CDYL: variants seen among roughly 807,000 people sequenced by gnomAD.
CDYL encodes chromodomain Y like, also known as chromodomain Y-like protein.
Under a neutral mutation model 47.3 loss-of-function variants are expected in CDYL, and 8 were observed. That is an observed-to-expected ratio of 0.17 (90% confidence interval 0.10 to 0.31). CDYL has a LOEUF of 0.31. Ranked by LOEUF, CDYL falls within the 10% of genes least tolerant of loss-of-function variation. The pLI, the probability that CDYL is intolerant of heterozygous loss-of-function variation, is 1.00. For missense variants in CDYL, 471 were observed against 701.4 expected (o/e 0.67, Z 3.71); for synonymous variants, 266 against 265.0 (o/e 1.00, Z -0.04).
intron 1 of CDYL, among the ~76,000 whole-genome samples, chr6:4,868,116 T>C (rs1761373166): frequency 6.6e-6 from 1 of 151,950 alleles, no homozygotes; most frequent in South Asian, 2.1e-4. Flanking sequence ...TGATTTATAC[T>C]TGGATCTTTA....
At chr6:4,734,766 A>G (rs1757672066) in exon 3 of CDYL, 1 of 1,614,018 alleles carries the variant, frequency 6.2e-7, no homozygotes, top group African/African-American at 1.3e-5. Flanking sequence ...TGCTAGTGTC[A>G]GCACCAGATG....
chr6:4,708,737 G>A (rs547342546), intron 1 of CDYL, among the ~76,000 whole-genome samples: 23 of 152,250 alleles, frequency 1.5e-4, no homozygotes, highest in African/African-American at 5.5e-4. Flanking sequence ...TCAAGAAATA[G>A]GCTGGGCACA....
intron 1 of CDYL, among the ~76,000 whole-genome samples, chr6:4,871,355 G>T (rs1207059336): frequency 6.6e-6 from 1 of 152,110 alleles, no homozygotes; most frequent in African/African-American, 2.4e-5. Context: ...CAAATTTTAG[G>T]CAGGTTTCAA....
At chr6:4,836,355 C>T in intron 1 of CDYL, 1 of 679,594 alleles carries the variant, frequency 1.5e-6, no homozygotes, top group Non-Finnish European at 1.8e-6. Flanking sequence ...AGAATTCCAA[C>T]CCCCTAGAGG....
chr6:4,926,084 A>G (rs1197300838), intron 2 of CDYL, among the ~76,000 whole-genome samples: 1 of 152,204 alleles, frequency 6.6e-6, no homozygotes, highest in African/African-American at 2.4e-5. Flanking sequence ...TTTAACTCGG[A>G]GACCCCTATG....
At chr6:4,870,284 A>G (rs1434225994) in intron 1 of CDYL, among the ~76,000 whole-genome samples, 1 of 152,178 alleles carries the variant, frequency 6.6e-6, no homozygotes, top group South Asian at 2.1e-4. Context: ...TAAATATAGA[A>G]TTATTGATTG....
chr6:4,773,689 A>T (rs1041231961), upstream of CDYL, among the ~76,000 whole-genome samples: 5 of 152,346 alleles, frequency 3.3e-5, no homozygotes, highest in Admixed American at 6.5e-5. The surrounding 1 kb of genome is among the most constrained non-coding windows in gnomAD (Gnocchi z 4.6). Context: ...CTCAGTCGCT[A>T]GGTGGATACC....
chr6:4,888,624 T>C (rs1258397327), intron 1 of CDYL, among the ~76,000 whole-genome samples: 1 of 152,172 alleles, frequency 6.6e-6, no homozygotes. Context: ...TTTCAGTTTA[T>C]TAAGTTCTAA....
In CDYL at chr6:4,954,196, C is replaced by T. The variant is rs570143632; in HGVS notation, c.*140C>T. 1.1e-5 allele frequency: 8 copies of T among 758,368 alleles called. No individual in the cohort carries two copies. In the Middle Eastern group the frequency reaches 7.8e-4, roughly 74 times the overall value. The allele number at this position is 758,368 out of a possible 1,614,324, so 47.0% of individuals were successfully genotyped here. ...TTGGAAGCAGGACTGGGAACATCCA[C>T]GCTATTTATTATCGAGGAGTTTTAA... On this transcript the variant is annotated 3_prime_UTR_variant, in exon 7 of 7. Coordinates refer to ENST00000397588, the MANE Select transcript of CDYL (RefSeq NM_004824.4).
intron 4 of CDYL, among the ~76,000 whole-genome samples, chr6:4,940,772 C>A (rs1460291282): frequency 6.6e-6 from 1 of 152,212 alleles, no homozygotes; most frequent in Non-Finnish European, 1.5e-5. Context: ...GACCGGGGGC[C>A]CTGCCCAAGC....
chr6:4,894,904 T>TAC (rs1762162461), intron 2 of CDYL, among the ~76,000 whole-genome samples: 1 of 145,062 alleles, frequency 6.9e-6, no homozygotes. Flanking sequence ...TATACACACG[T>TAC]ACGTGTGTAT....
At chr6:4,794,868 C>T (rs1759027103) in intron 1 of CDYL, among the ~76,000 whole-genome samples, 1 of 152,078 alleles carries the variant, frequency 6.6e-6, no homozygotes, top group Non-Finnish European at 1.5e-5. Context: ...GATCTTATAT[C>T]TAGCAGACTT....
chr6:4,865,073 T>C (rs1239062185), intron 1 of CDYL, among the ~76,000 whole-genome samples: 3 of 152,182 alleles, frequency 2.0e-5, no homozygotes, highest in Non-Finnish European at 2.9e-5. Flanking sequence ...CTAGTTTCAG[T>C]AAACAACTTT....
chr6:4,860,409 G>A (rs1391528151), intron 1 of CDYL, among the ~76,000 whole-genome samples: 1 of 151,304 alleles, frequency 6.6e-6, no homozygotes, highest in Non-Finnish European at 1.5e-5. Flanking sequence ...TAGCATGCAG[G>A]TGCTAGCATA....
At chr6:4,899,323 T>C (rs537206659) in intron 2 of CDYL, among the ~76,000 whole-genome samples, 17 of 152,242 alleles carry the variant, frequency 1.1e-4, no homozygotes, top group African/African-American at 4.1e-4. Flanking sequence ...AAAGGACATA[T>C]ACATTTAATT....
At chr6:4,825,900 A>G (rs1759969431) in intron 1 of CDYL, among the ~76,000 whole-genome samples, 1 of 151,152 alleles carries the variant, frequency 6.6e-6, no homozygotes, top group East Asian at 1.9e-4. Flanking sequence ...CCTAGCTGAG[A>G]CTGCCCATAA....
upstream of CDYL, chr6:4,772,981 G>A (rs1758359597): frequency 2.6e-6 from 1 of 377,904 alleles, no homozygotes; most frequent in Non-Finnish European, 5.2e-6. Flanking sequence ...AGACATGCCT[G>A]GTTTGGCTGG....
At chr6:4,944,736 A>G (rs1758461221) in intron 5 of CDYL, among the ~76,000 whole-genome samples, 1 of 152,230 alleles carries the variant, frequency 6.6e-6, no homozygotes, top group South Asian at 2.1e-4. Flanking sequence ...CCTGGATGTT[A>G]TAATCAGTGG....
chr6:4,712,464 C>T (rs1014566625), intron 1 of CDYL, among the ~76,000 whole-genome samples: 5 of 152,234 alleles, frequency 3.3e-5, no homozygotes, highest in African/African-American at 1.2e-4. Context: ...CAGGTGGCCG[C>T]CGTTCCCACC....
Sources: gnomAD v4.1 joint callset for allele counts (sites outside exome capture counted in the v4.1 genomes callset) on GRCh38, gnomAD v4.1.1 for gene constraint, Gnocchi (gnomAD v3.1) non-coding constraint, MANE v1.5 for transcripts, NCBI Gene and HGNC (gene_info 2026-07-23, HGNC 2026-07-21) for gene names.